The following MEGF11 variants were observed in gnomAD, a reference collection of about 807,000 sequenced individuals.
The protein encoded by MEGF11 is multiple EGF like domains 11, also known as multiple epidermal growth factor-like domains protein 11.
MEGF11 carries 126 observed loss-of-function variants against 146.6 expected under a neutral mutation model. That is an observed-to-expected ratio of 0.86 (90% confidence interval 0.74 to 1.00). The LOEUF (loss-of-function observed/expected upper bound fraction) is 1.00, where lower values mean the gene tolerates loss of function less well. Ranked by LOEUF, MEGF11 falls within the 50% of genes least tolerant of loss-of-function variation. The pLI is 0.00. For synonymous variants in MEGF11, 532 were observed against 583.4 expected (o/e 0.91, Z 1.27); for missense variants, 1,509 against 1,521.2 (o/e 0.99, Z 0.13).
At chr15:66,133,980 C>T (rs2088774761) in intron 1 of MEGF11, among the ~76,000 whole-genome samples, 1 of 152,094 alleles carries the variant, frequency 6.6e-6, no homozygotes, top group Admixed American at 6.6e-5. Flanking sequence ...CAAGTCCCTG[C>T]TCCACCACCC....
chr15:66,170,808 A>G (rs1567271380), intron 1 of MEGF11, among the ~76,000 whole-genome samples: 1 of 151,718 alleles, frequency 6.6e-6, no homozygotes, highest in Non-Finnish European at 1.5e-5. Flanking sequence ...CCCTCAGCTG[A>G]CTGCAGCCCC....
chr15:65,956,912 C>T (rs201948173), intron 10 of MEGF11, among the ~76,000 whole-genome samples: 2 of 152,082 alleles, frequency 1.3e-5, no homozygotes, highest in African/African-American at 2.4e-5. Flanking sequence ...CAATTGGTGG[C>T]GGTGTAGATT....
intron 5 of MEGF11, among the ~76,000 whole-genome samples, chr15:66,049,803 C>T (rs2084377339): frequency 6.6e-6 from 1 of 152,194 alleles, no homozygotes; most frequent in Non-Finnish European, 1.5e-5. Context: ...TCCTTTTCCC[C>T]ACCTGCCTTC....
Position 65,898,898 on chromosome 15 carries a change from C to T in MEGF11, c.3092G>A (p.Cys1031Tyr), listed in dbSNP as rs1452583303. Residue 1031 changes from cysteine to tyrosine, a missense_variant, in exon 25 of 26, where the codon TGT becomes TAT. Physicochemically the swap from Cys to Tyr is radical, Grantham distance 194 (BLOSUM62 -2). Transcript: ENST00000395614. ...MKESVCSSST[C>Y]SLNSSENPYA... ...AGGGTTTTCACTGCTATTCAAGGAA[C>T]AAGTACTAGAACTGCACACGGATTC... 6.2e-7 allele frequency: 1 copy of T among 1,613,792 alleles called. No individual in the cohort carries two copies. Among genetic ancestry groups the T allele is most frequent in the Non-Finnish European group, 8.5e-7 (1 of 1,179,840 alleles).
intron 10 of MEGF11, among the ~76,000 whole-genome samples, chr15:65,939,072 A>G (rs928676543): frequency 4.6e-5 from 7 of 152,092 alleles, no homozygotes; most frequent in Admixed American, 3.9e-4. Context: ...GAGGGAGGCA[A>G]TTGTGTGAGT....
chr15:66,149,334 T>C (rs759536338), intron 1 of MEGF11, among the ~76,000 whole-genome samples: 4 of 152,260 alleles, frequency 2.6e-5, no homozygotes, highest in Non-Finnish European at 5.9e-5. Flanking sequence ...CTTGTGGCCT[T>C]GACCGTCACT....
Position 65,982,148 on chromosome 15 carries a change from C to T in MEGF11, c.641+94G>A. On this transcript the variant is annotated intron_variant, in intron 6 of 25. Transcript: ENST00000395614. The surrounding 1 kb of genome is among the most constrained non-coding windows in gnomAD (Gnocchi z 5.6). ...AGGGCAGCCACTCCAGGCCCCGCCC[C>T]AGCCCCTCCACCTCCTCTACCCTCC... The T allele has an allele frequency of 7.6e-7, 1 of 1,320,924 alleles. No homozygotes were observed. The highest frequency in any genetic ancestry group is 9.9e-7 in the Non-Finnish European group (1 of 1,011,570). The allele number at this position is 1,320,924 out of a possible 1,614,324, so 81.8% of individuals were successfully genotyped here. A position where few individuals can be genotyped will look rare whatever the true frequency, so the allele number is the denominator to read the frequency against.
intron 1 of MEGF11, among the ~76,000 whole-genome samples, chr15:66,190,862 T>C (rs1276238277): frequency 6.6e-6 from 1 of 152,156 alleles, no homozygotes; most frequent in African/African-American, 2.4e-5. Flanking sequence ...AATTTGCTTG[T>C]TTCAGTTCAA....
chr15:66,034,401 T>G (rs1237315393), intron 5 of MEGF11, among the ~76,000 whole-genome samples: 1 of 145,626 alleles, frequency 6.9e-6, no homozygotes, highest in African/African-American at 2.7e-5. Flanking sequence ...AATGCTGGTT[T>G]TTTTTTTTTT....
chr15:66,107,948 A>G (rs1678296231), intron 4 of MEGF11, among the ~76,000 whole-genome samples: 1 of 145,952 alleles, frequency 6.9e-6, no homozygotes, highest in Admixed American at 6.6e-5. Context: ...AGGGGCTGCA[A>G]TCAAGACAGG....
chr15:66,048,586 C>T (rs1021927085), intron 5 of MEGF11, among the ~76,000 whole-genome samples: 1 of 152,252 alleles, frequency 6.6e-6, no homozygotes, highest in African/African-American at 2.4e-5. Context: ...GGAAGCAACA[C>T]ACACAGAGAC....
intron 1 of MEGF11, among the ~76,000 whole-genome samples, chr15:66,202,581 A>C (rs774812661): frequency 1.3e-5 from 2 of 152,200 alleles, no homozygotes; most frequent in Non-Finnish European, 2.9e-5. Context: ...GGCCTCCCCA[A>C]CATCCTGCTC....
chr15:65,923,075 G>T, intron 13 of MEGF11, 106 bp from the exon 14 acceptor site: 1 of 1,236,066 alleles, frequency 8.1e-7, no homozygotes, highest in Non-Finnish European at 1.1e-6. Flanking sequence ...GGCAAGCATA[G>T]TGCATCCAGG....
chr15:65,958,848 A>T (rs1298758416), intron 9 of MEGF11, among the ~76,000 whole-genome samples: 3 of 152,166 alleles, frequency 2.0e-5, no homozygotes, highest in Non-Finnish European at 4.4e-5. Context: ...CACACCAAAG[A>T]AGTGCTGGGT....
intron 1 of MEGF11, among the ~76,000 whole-genome samples, chr15:66,243,149 AC>A (rs2092243058): frequency 6.6e-6 from 1 of 152,070 alleles, no homozygotes; most frequent in African/African-American, 2.4e-5. Flanking sequence ...AAGGCACCTA[AC>A]CTCCGGATCT....
chr15:66,136,353 C>T (rs1333359497), intron 1 of MEGF11, among the ~76,000 whole-genome samples: 2 of 152,110 alleles, frequency 1.3e-5, no homozygotes, highest in Admixed American at 6.6e-5. Flanking sequence ...CCATTCCAGC[C>T]AAGAGCCCAC....
intron 1 of MEGF11, among the ~76,000 whole-genome samples, chr15:66,131,835 C>G (rs1417351495): frequency 1.3e-5 from 2 of 152,146 alleles, no homozygotes; most frequent in African/African-American, 4.8e-5. Flanking sequence ...CCAATATTTC[C>G]CATGGAACTC....
At chr15:66,142,055 G>A (rs766548207) in intron 1 of MEGF11, among the ~76,000 whole-genome samples, 5 of 152,094 alleles carry the variant, frequency 3.3e-5, no homozygotes, top group Non-Finnish European at 5.9e-5. Context: ...ATCCCCCTGC[G>A]CCTCCCCTAC....
At chr15:66,200,731 G>A (rs534063820) in intron 1 of MEGF11, among the ~76,000 whole-genome samples, 2 of 152,164 alleles carry the variant, frequency 1.3e-5, no homozygotes, top group Non-Finnish European at 2.9e-5. Flanking sequence ...TATTAGCATG[G>A]CTGTTAAACC....
Sources: gnomAD v4.1 joint callset for allele counts (sites outside exome capture counted in the v4.1 genomes callset) on GRCh38, gnomAD v4.1.1 for gene constraint, Gnocchi (gnomAD v3.1) non-coding constraint, MANE v1.5 for transcripts, NCBI Gene and HGNC (gene_info 2026-07-23, HGNC 2026-07-21) for gene names.